The following ATP13A3 variants were observed in gnomAD, a reference collection of about 807,000 sequenced individuals.
ATP13A3 encodes polyamine-transporting ATPase 13A3.
Under a neutral mutation model 158.1 loss-of-function variants are expected in ATP13A3, and 59 were observed. The ratio of observed to expected loss-of-function variants is 0.37; its 90% CI spans 0.30 to 0.46. ATP13A3 has a LOEUF of 0.46. ATP13A3 is among the 20% of genes least tolerant of loss of function. The pLI is 1.00. For synonymous variants in ATP13A3, 491 were observed against 504.3 expected, an observed-to-expected ratio of 0.97 and a Z score of 0.35; for missense variants, 1,166 against 1,525.2, an observed-to-expected ratio of 0.76 and a Z score of 3.92.
At position 194,459,922 on chromosome 3, in the gene ATP13A3, T is replaced by A. The variant is rs1431414511; in HGVS notation, c.275A>T (p.Glu92Val). The A allele has an allele frequency of 3.7e-6, 6 of 1,613,256 alleles. No homozygotes were observed. The highest frequency in any genetic ancestry group is 1.1e-5 in the South Asian group (1 of 91,008). ...FCAKIRVLSLETYPVSSPKSM... is the reference protein window; with the variant it reads ...FCAKIRVLSLVTYPVSSPKSM... ...TTTTGGACTTGAAACTGGGTAAGTTTCCAAAGAAAGAACGCGAATTTTTGC... is the reference window on the plus strand; with the variant it reads ...TTTTGGACTTGAAACTGGGTAAGTTACCAAAGAAAGAACGCGAATTTTTGC... Residue 92 changes from glutamate (E) to valine (V), a missense_variant, in exon 5 of 34, where the codon GAA (glutamate) becomes GTA (valine). By Grantham distance (121) the Glu-to-Val change is moderately radical. Around this residue, in one of 3 missense-constraint regions of ATP13A3, gnomAD observed 104 missense variants for 91.7 expected, o/e 1.13. Transcript: ENST00000645319.
At chr3:194,473,172 A>G (rs1012616481) in intron 2 of ATP13A3, among the ~76,000 whole-genome samples, 6 of 152,254 alleles carry the variant, frequency 3.9e-5, no homozygotes, top group Non-Finnish European at 8.8e-5. Context: ...GAGAAATTAT[A>G]TATTTTAGTA....
intron 21 of ATP13A3, chr3:194,432,100 C>T: frequency 2.2e-6 from 1 of 445,466 alleles, no homozygotes; most frequent in Non-Finnish European, 3.9e-6. Context: ...ACGTTATATG[C>T]TAAAGAAAAC....
At chr3:194,470,960 C>G (rs1202238395) in intron 2 of ATP13A3, among the ~76,000 whole-genome samples, 1 of 152,094 alleles carries the variant, frequency 6.6e-6, no homozygotes, top group Non-Finnish European at 1.5e-5. Context: ...GCGAATACAT[C>G]AATAAATTGG....
intron 2 of ATP13A3, among the ~76,000 whole-genome samples, chr3:194,465,401 C>T (rs1186943437): frequency 2.6e-5 from 4 of 152,150 alleles, no homozygotes; most frequent in African/African-American, 7.2e-5. Flanking sequence ...AGCTGCGTAC[C>T]GCTCAGCACT....
At chr3:194,421,459 A>C (rs370616696) in intron 30 of ATP13A3, among the ~76,000 whole-genome samples, 1 of 149,604 alleles carries the variant, frequency 6.7e-6, no homozygotes, top group East Asian at 2.0e-4. Flanking sequence ...AGGCTGAGGC[A>C]GGAAAATAGT....
intron 2 of ATP13A3, among the ~76,000 whole-genome samples, chr3:194,465,297 C>T (rs58586870): frequency 0.021 from 3,157 of 152,214 alleles, 76 homozygotes; most frequent in East Asian, 0.07. Context: ...TGGGGAAGCA[C>T]CAAAGCAATG....
Position 194,454,558 on chromosome 3 carries a change from G to A in ATP13A3, c.631-166C>T, listed in dbSNP as rs150779468. The stretch of plus-strand genomic sequence containing the variant: ...TAAAAAGTAGGGCAGGCTGGGCGCG[G>A]TGGCTCACGCCTGTAATCCCAGCAC... On this transcript the variant is annotated intron_variant, in intron 8 of 33. Coordinates refer to ENST00000645319, the MANE Select transcript of ATP13A3 (RefSeq NM_001367549.1). Among the ~76,000 whole-genome samples the A allele has an allele frequency of 1.6e-3, 237 of 152,346 alleles. 1 individual carries two copies. The highest frequency in any genetic ancestry group is 9.3e-3 in the Admixed American group (142 of 15,306).
intron 15 of ATP13A3, among the ~76,000 whole-genome samples, chr3:194,443,829 T>A (rs560798867): frequency 3.9e-5 from 6 of 151,974 alleles, no homozygotes; most frequent in African/African-American, 1.5e-4. Flanking sequence ...TAATTTTCAA[T>A]ACACAATATT....
At chr3:194,433,519 A>G (rs1253784379) in intron 21 of ATP13A3, among the ~76,000 whole-genome samples, 1 of 152,172 alleles carries the variant, frequency 6.6e-6, no homozygotes, top group Non-Finnish European at 1.5e-5. Flanking sequence ...CTGGGATTAC[A>G]GGCGTGAGCC....
intron 7 of ATP13A3, 76 bp downstream of exon 7, chr3:194,457,018 T>C: frequency 3.0e-6 from 3 of 1,010,282 alleles, no homozygotes; most frequent in South Asian, 1.5e-5. Flanking sequence ...TACAACTATA[T>C]GGTAAAGGGT....
rs188963216 is a variant in ATP13A3 at position 194,445,032 on chromosome 3, G to A, written c.1498-246C>T. Among the ~76,000 whole-genome samples the A allele has an allele frequency of 7.2e-5, 11 of 151,952 alleles. No individual in the cohort carries two copies. The East Asian group carries it at 2.1e-3, about 30-fold the overall frequency. On this transcript the variant is annotated intron_variant, in intron 14 of 33. Transcript: ENST00000645319. ...AAATCTTCTGCGTAAGGGCAGAGAGGGGTATATATTTACGTGCTTATACTA... is the reference window on the plus strand; with the variant it reads ...AAATCTTCTGCGTAAGGGCAGAGAGAGGTATATATTTACGTGCTTATACTA...
At chr3:194,466,822 A>AAAAAAT (rs1720016644) in intron 2 of ATP13A3, among the ~76,000 whole-genome samples, 1 of 152,202 alleles carries the variant, frequency 6.6e-6, no homozygotes, top group Admixed American at 6.5e-5. Flanking sequence ...TCCATCACTA[A>AAAAAAT]AAAAATAAAA....
At position 194,412,270 on chromosome 3, in the gene ATP13A3, C is replaced by A. The variant is rs1245209902; in HGVS notation, c.3502G>T (p.Val1168Phe). ...ITVENFFLDM[V>F]LWKVVFNRDK... ...CGGTTGAACACAACTTTCCAAAGGA[C>A]CATGTCAAGGAAGAAGTTCTGAGAG... The change falls in exon 33 of 34, where the codon GTC becomes TTC. Residue 1168 changes from valine to phenylalanine, a missense_variant. Physicochemically the swap from Val to Phe is conservative, Grantham distance 50. This residue lies in a region of ATP13A3 where 997 missense variants were observed against 1,341.2 expected (regional missense o/e 0.74). Transcript: ENST00000645319. 6.5e-7 allele frequency: 1 copy of A among 1,536,258 alleles called. No homozygotes were observed. Among genetic ancestry groups the A allele is most frequent in the East Asian group, 2.4e-5 (1 of 40,904 alleles).
intron 33 of ATP13A3, among the ~76,000 whole-genome samples, chr3:194,410,937 G>GGGGTGTGTGT (rs1359615208): frequency 1.6e-5 from 2 of 127,280 alleles, no homozygotes; most frequent in African/African-American, 6.5e-5. Flanking sequence ...GGGGTGTTGG[G>GGGGTGTGTGT]GTGTGTGTGT....
chr3:194,490,596 T>C (rs1217630361), upstream of ATP13A3, among the ~76,000 whole-genome samples: 1 of 152,168 alleles, frequency 6.6e-6, no homozygotes, highest in Admixed American at 6.5e-5. This position sits in a 1 kb window ranked among gnomAD's most constrained non-coding sequence, Gnocchi z 4.4. Flanking sequence ...CTACACAAGG[T>C]TTGTTGTGTT....
chr3:194,425,151 T>A (rs529942222), intron 30 of ATP13A3, among the ~76,000 whole-genome samples, 191 bp downstream of exon 30: 17 of 152,388 alleles, frequency 1.1e-4, no homozygotes, highest in African/African-American at 4.1e-4. Flanking sequence ...TTAACACTGG[T>A]AGCTTGAACT....
At chr3:194,484,005 G>A (rs2109074967) in intron 2 of ATP13A3, among the ~76,000 whole-genome samples, 1 of 152,160 alleles carries the variant, frequency 6.6e-6, no homozygotes, top group Admixed American at 6.5e-5. Flanking sequence ...AAAGAAAACA[G>A]TCAAAACAGT....
chr3:194,458,231 A>C (rs1719381405), intron 6 of ATP13A3, among the ~76,000 whole-genome samples: 1 of 152,158 alleles, frequency 6.6e-6, no homozygotes, highest in Non-Finnish European at 1.5e-5. Flanking sequence ...AGTAAGTTTA[A>C]ATTTTTAAGT....
chr3:194,423,406 C>T (rs1716527916), intron 30 of ATP13A3, among the ~76,000 whole-genome samples: 1 of 152,184 alleles, frequency 6.6e-6, no homozygotes, highest in Non-Finnish European at 1.5e-5. Context: ...GCAAAGGACC[C>T]TGCATGGACT....
Sources: allele counts gnomAD v4.1 joint callset (sites outside exome capture counted in the v4.1 genomes callset), GRCh38; gene constraint gnomAD v4.1.1; regional missense constraint gnomAD v4.1.1; non-coding constraint Gnocchi (gnomAD v3.1); transcripts MANE v1.5; gene names NCBI Gene and HGNC (gene_info 2026-07-23, HGNC 2026-07-21).